STON2: variants seen among roughly 807,000 people sequenced by gnomAD.
The protein encoded by STON2 is stonin-2.
STON2 carries 29 observed loss-of-function variants against 65.7 expected under a neutral mutation model. The ratio of observed to expected loss-of-function variants is 0.44; its 90% CI spans 0.33 to 0.60. The LOEUF (loss-of-function observed/expected upper bound fraction) is 0.60, where lower values mean the gene tolerates loss of function less well. Ranked by LOEUF, STON2 falls within the 20% of genes least tolerant of loss-of-function variation. The pLI, the probability that STON2 is intolerant of heterozygous loss-of-function variation, is 0.03. For synonymous variants in STON2, 404 were observed against 414.2 expected (o/e 0.98, Z 0.30); for missense variants, 1,054 against 1,118.1 (o/e 0.94, Z 0.82).
intron 6 of STON2, among the ~76,000 whole-genome samples, chr14:81,273,163 C>T (rs762045691): frequency 6.6e-6 from 1 of 152,338 alleles, no homozygotes; most frequent in South Asian, 2.1e-4. Context: ...TTTTACTCCA[C>T]CAAAGTGTAC....
At chr14:81,323,831 G>A (rs760655942) in intron 5 of STON2, 186 bp downstream of exon 5, 2 of 151,762 alleles carry the variant, frequency 1.3e-5, no homozygotes, top group Non-Finnish European at 2.9e-5. Context: ...CCAGGCTATC[G>A]GGTTACAACT....
Position 81,267,850 on chromosome 14 carries a change from A to G in STON2, c.*564T>C. The G allele has an allele frequency of 1.0e-6, 1 of 985,482 alleles. No homozygotes were observed. The highest frequency in any genetic ancestry group is 1.2e-6 in the Non-Finnish European group (1 of 829,964). 61.0% of individuals were successfully genotyped at this position (985,482 alleles called of 1,614,324 possible). A position where few individuals can be genotyped will look rare whatever the true frequency, so the allele number is the denominator to read the frequency against. ...CTAAACGATCTAGAGCCAGGAGGGAAATGTCTTGAAAGCTTAACAGTTAAA... is the reference window on the plus strand; with the variant it reads ...CTAAACGATCTAGAGCCAGGAGGGAGATGTCTTGAAAGCTTAACAGTTAAA... On this transcript the variant is annotated 3_prime_UTR_variant, in exon 8 of 8. Coordinates refer to ENST00000614646, the MANE Select transcript of STON2 (RefSeq NM_001394390.1).
intron 5 of STON2, among the ~76,000 whole-genome samples, chr14:81,301,436 C>A (rs1379033608): frequency 6.6e-6 from 1 of 152,198 alleles, no homozygotes; most frequent in Non-Finnish European, 1.5e-5. Flanking sequence ...AAACCAACAA[C>A]CACAATACAG....
At chr14:81,292,825 A>AC (rs1252302387) in intron 5 of STON2, among the ~76,000 whole-genome samples, 1 of 152,226 alleles carries the variant, frequency 6.6e-6, no homozygotes, top group Non-Finnish European at 1.5e-5. Flanking sequence ...TGAGATTACT[A>AC]CTTTTGCCCT....
intron 4 of STON2, among the ~76,000 whole-genome samples, chr14:81,348,986 G>T (rs1897922245): frequency 6.6e-6 from 1 of 152,072 alleles, no homozygotes; most frequent in African/African-American, 2.4e-5. Context: ...AACATATATT[G>T]GGGAAAGGAC....
intron 5 of STON2, among the ~76,000 whole-genome samples, chr14:81,298,601 G>T (rs116060905): frequency 3.9e-5 from 6 of 152,178 alleles, no homozygotes; most frequent in African/African-American, 1.4e-4. Flanking sequence ...GCTCTGGTAA[G>T]TTCCCAAGGA....
chr14:81,390,905 G>A (rs1900048797), intron 3 of STON2, among the ~76,000 whole-genome samples: 1 of 152,198 alleles, frequency 6.6e-6, no homozygotes, highest in African/African-American at 2.4e-5. Flanking sequence ...TGCAGCTTCT[G>A]GTGGCTGCCG....
At chr14:81,366,476 A>G (rs894133256) in intron 4 of STON2, among the ~76,000 whole-genome samples, 1 of 152,140 alleles carries the variant, frequency 6.6e-6, no homozygotes, top group African/African-American at 2.4e-5. Context: ...GCTGCCAGGG[A>G]GAGCCCAGCT....
intron 5 of STON2, among the ~76,000 whole-genome samples, chr14:81,298,261 T>G (rs906813092): frequency 1.3e-5 from 2 of 152,144 alleles, no homozygotes; most frequent in African/African-American, 2.4e-5. Flanking sequence ...AATCTCCAGA[T>G]AATGACTTCC....
At chr14:81,382,928 T>C (rs1899601753) in intron 3 of STON2, among the ~76,000 whole-genome samples, 1 of 152,226 alleles carries the variant, frequency 6.6e-6, no homozygotes, top group South Asian at 2.1e-4. Context: ...ACTTTGTTTA[T>C]TTTTCGGCTT....
intron 3 of STON2, among the ~76,000 whole-genome samples, chr14:81,379,777 A>G (rs770337674): frequency 3.3e-5 from 5 of 152,204 alleles, no homozygotes; most frequent in Admixed American, 1.3e-4. Flanking sequence ...GGTGTTGAGA[A>G]AACTGCCTAG....
intron 4 of STON2, among the ~76,000 whole-genome samples, chr14:81,350,053 TCA>T (rs1180747961): frequency 6.6e-6 from 1 of 152,044 alleles, no homozygotes; most frequent in Non-Finnish European, 1.5e-5. Context: ...GTGAGTAGAA[TCA>T]CAGTTATCAG....
At chr14:81,420,968 A>T (rs1901676057) in intron 2 of STON2, among the ~76,000 whole-genome samples, 2 of 152,172 alleles carry the variant, frequency 1.3e-5, no homozygotes, top group South Asian at 4.1e-4. Flanking sequence ...TGTGTGTCAC[A>T]GACAGGGTGG....
In STON2 at chr14:81,277,842, T is replaced by G. The variant is rs778075204; in HGVS notation, c.1640A>C (p.Tyr547Ser). 3.7e-6 allele frequency: 6 copies of G among 1,614,110 alleles called. No homozygotes were observed. The Admixed American group carries it at 6.7e-5, about 18-fold the overall frequency. Reference protein sequence around the residue: ...HEISEPRLQNYDENGRIHSLR... With the variant: ...HEISEPRLQNSDENGRIHSLR... ...GCTGTGGATTCTGCCATTCTCATCATAGTTTTGAAGCCGGGGTTCTGAAAT... is the reference window on the plus strand; with the variant it reads ...GCTGTGGATTCTGCCATTCTCATCAGAGTTTTGAAGCCGGGGTTCTGAAAT... The change falls in exon 6 of 8, where the codon TAT becomes TCT. Residue 547 changes from tyrosine to serine, a missense_variant. By Grantham distance (144) the Tyr-to-Ser change is moderately radical. Transcript: ENST00000614646.
At chr14:81,374,744 G>A (rs139858941) in intron 3 of STON2, among the ~76,000 whole-genome samples, 2,041 of 152,224 alleles carry the variant, frequency 0.013, 52 homozygotes, top group African/African-American at 0.046. Flanking sequence ...GGAGGGCAGC[G>A]TGAGACAGTC....
At chr14:81,382,682 T>C (rs1212727059) in intron 3 of STON2, among the ~76,000 whole-genome samples, 1 of 152,122 alleles carries the variant, frequency 6.6e-6, no homozygotes. Flanking sequence ...TAATACACAA[T>C]CTTAAATGTT....
chr14:81,422,944 A>G (rs1179037229), intron 2 of STON2, among the ~76,000 whole-genome samples: 2 of 152,124 alleles, frequency 1.3e-5, no homozygotes, highest in Non-Finnish European at 2.9e-5. Flanking sequence ...CTGAGGTAGG[A>G]AAATCGCTTG....
chr14:81,429,969 G>A (rs952256499), intron 1 of STON2, among the ~76,000 whole-genome samples: 7 of 151,644 alleles, frequency 4.6e-5, no homozygotes, highest in Middle Eastern at 3.4e-3. Context: ...ATCTAGCTCC[G>A]ACTTCCCTTC....
chr14:81,310,501 T>TA (rs1305007331), intron 5 of STON2, among the ~76,000 whole-genome samples: 1 of 152,190 alleles, frequency 6.6e-6, no homozygotes, highest in Non-Finnish European at 1.5e-5. Flanking sequence ...CTGGCAGCAT[T>TA]AGGAATAGGC....
Sources: allele counts gnomAD v4.1 joint callset (sites outside exome capture counted in the v4.1 genomes callset), GRCh38; gene constraint gnomAD v4.1.1; transcripts MANE v1.5; gene names NCBI Gene and HGNC (gene_info 2026-07-23, HGNC 2026-07-21).